Variants in RSRC1 observed in about 807,000 individuals in gnomAD.
RSRC1 encodes the protein serine/Arginine-related protein 53.
Under a neutral mutation model 49.1 loss-of-function variants are expected in RSRC1, and 39 were observed. The observed-to-expected ratio is 0.79, with a 90% CI of 0.61 to 1.04. The LOEUF (loss-of-function observed/expected upper bound fraction) is 1.04, where lower values mean the gene tolerates loss of function less well. RSRC1 is among the 50% of genes least tolerant of loss of function. RSRC1 has a pLI of 0.00. For synonymous variants in RSRC1, 143 were observed against 130.8 expected (o/e 1.09, Z -0.63); for missense variants, 388 against 402.4 (o/e 0.96, Z 0.31).
chr3:158,256,124 A>G (rs1394983995), intron 4 of RSRC1, among the ~76,000 whole-genome samples: 1 of 152,172 alleles, frequency 6.6e-6, no homozygotes, highest in Non-Finnish European at 1.5e-5. Flanking sequence ...GAGAGAGGGC[A>G]TCCTTGTCTT....
chr3:158,443,182 T>G (rs1736481373), intron 6 of RSRC1, among the ~76,000 whole-genome samples: 1 of 152,128 alleles, frequency 6.6e-6, no homozygotes, highest in African/African-American at 2.4e-5. Context: ...ACCAGCTGCG[T>G]TAGCCCCTGA....
chr3:158,114,354 A>G (rs772988249), intron 1 of RSRC1, among the ~76,000 whole-genome samples: 8 of 152,074 alleles, frequency 5.3e-5, no homozygotes, highest in Non-Finnish European at 1.2e-4. Flanking sequence ...CCATTGGTCT[A>G]TGTGTCTGTC....
intron 4 of RSRC1, among the ~76,000 whole-genome samples, chr3:158,275,080 C>G (rs1263118409): frequency 2.0e-5 from 3 of 152,186 alleles, no homozygotes; most frequent in African/African-American, 7.2e-5. Context: ...CTAATGGCCA[C>G]TGGCTCACCA....
At chr3:158,284,594 G>C (rs528598119) in intron 4 of RSRC1, among the ~76,000 whole-genome samples, 3,306 of 144,736 alleles carry the variant, frequency 0.023, 120 homozygotes, top group African/African-American at 0.082. Context: ...TCTAACTGGT[G>C]TGAGATGGTA....
intron 3 of RSRC1, among the ~76,000 whole-genome samples, chr3:158,197,310 T>C (rs528376052): frequency 7.0e-4 from 106 of 152,328 alleles, no homozygotes; most frequent in Admixed American, 2.4e-3. Context: ...TAGTATTCTC[T>C]GATGGTAGTT....
chr3:158,467,873 T>C (rs1417279229), intron 7 of RSRC1, among the ~76,000 whole-genome samples: 2 of 152,256 alleles, frequency 1.3e-5, no homozygotes, highest in African/African-American at 4.8e-5. Flanking sequence ...GTTCTTGTAG[T>C]AACAATTAAA....
chr3:158,259,525 C>T (rs1031509442), intron 4 of RSRC1, among the ~76,000 whole-genome samples: 21 of 152,136 alleles, frequency 1.4e-4, no homozygotes, highest in Admixed American at 9.8e-4. Context: ...TGATCAGACC[C>T]GTACTCAGCA....
chr3:158,353,071 CCTT>C (rs1243896191), intron 5 of RSRC1, among the ~76,000 whole-genome samples: 1 of 152,156 alleles, frequency 6.6e-6, no homozygotes, highest in Admixed American at 6.5e-5. Context: ...GTCATCTCCT[CCTT>C]CTCTAATAAC....
chr3:158,433,474 T>TCGTTG lies in RSRC1; in HGVS notation c.584-27460_584-27456dup, dbSNP rs559518731. Among the ~76,000 whole-genome samples the TCGTTG allele has an allele frequency of 7.9e-5, 12 of 152,078 alleles. No individual in the cohort carries two copies. The South Asian group carries it at 2.5e-3, about 31-fold the overall frequency. On this transcript the variant is annotated intron_variant, in intron 6 of 9. Transcript: ENST00000611884. ...GTCATGAAATGCAAAAGGATATATT[T>TCGTTG]CGTTGGTACACCAGGTTAAACTGGT...
chr3:158,219,303 C>G (rs886705967), intron 4 of RSRC1, among the ~76,000 whole-genome samples: 4 of 151,058 alleles, frequency 2.6e-5, no homozygotes, highest in African/African-American at 9.7e-5. Context: ...TGTTTTCTTT[C>G]TTTCATTCTC....
intron 7 of RSRC1, among the ~76,000 whole-genome samples, chr3:158,461,818 G>T (rs1487192540): frequency 6.6e-6 from 1 of 151,784 alleles, no homozygotes; most frequent in African/African-American, 2.4e-5. Flanking sequence ...ACTTTTGAGT[G>T]CTGTAGTCAA....
chr3:158,538,477 A>G (rs1454667809), intron 8 of RSRC1, among the ~76,000 whole-genome samples: 1 of 151,884 alleles, frequency 6.6e-6, no homozygotes, highest in Non-Finnish European at 1.5e-5. Flanking sequence ...TGGAATTACT[A>G]TGATTTATTT....
At chr3:158,173,260 A>G (rs2108240793) in intron 3 of RSRC1, among the ~76,000 whole-genome samples, 1 of 152,128 alleles carries the variant, frequency 6.6e-6, no homozygotes, top group South Asian at 2.1e-4. Flanking sequence ...GGGCTGGAGC[A>G]GGCAGACCAT....
intron 6 of RSRC1, among the ~76,000 whole-genome samples, chr3:158,362,558 G>A (rs926443776): frequency 1.3e-5 from 2 of 152,116 alleles, no homozygotes; most frequent in African/African-American, 4.8e-5. Context: ...ATACTAAGAT[G>A]TTACCTAGCT....
At chr3:158,439,524 T>A (rs1402367153) in intron 6 of RSRC1, among the ~76,000 whole-genome samples, 1 of 152,120 alleles carries the variant, frequency 6.6e-6, no homozygotes, top group Non-Finnish European at 1.5e-5. Flanking sequence ...GGGACATGGA[T>A]GAAGCTGGAA....
intron 5 of RSRC1, among the ~76,000 whole-genome samples, chr3:158,315,909 C>G (rs571518425): frequency 6.6e-6 from 1 of 152,096 alleles, no homozygotes; most frequent in South Asian, 2.1e-4. Context: ...TGGTGGCTCA[C>G]GCCTGCAATC....
intron 4 of RSRC1, among the ~76,000 whole-genome samples, chr3:158,273,282 T>C (rs1180574996): frequency 6.6e-6 from 1 of 152,074 alleles, no homozygotes; most frequent in Non-Finnish European, 1.5e-5. Context: ...ATGTTCAAGG[T>C]AGTAAACATA....
chr3:158,114,756 A>G (rs1183590262), intron 1 of RSRC1, among the ~76,000 whole-genome samples: 3 of 151,852 alleles, frequency 2.0e-5, no homozygotes, highest in African/African-American at 7.3e-5. Context: ...TATTCTTTTT[A>G]TAGCAGTTGT....
Position 158,333,895 on chromosome 3 carries a change from G to A in RSRC1, c.532-20962G>A, listed in dbSNP as rs151143370. On this transcript the variant is annotated intron_variant, in intron 5 of 9. Transcript: ENST00000611884. The stretch of plus-strand genomic sequence containing the variant: ...TAAAGAAGTTGAAAGAAAAGTAGAA[G>A]TTGAAAGAAAAGTAGCACAGAGAAT... Among the ~76,000 whole-genome samples the A allele has an allele frequency of 1.1e-3, 169 of 152,236 alleles. 2 individuals carry two copies. The highest frequency in any genetic ancestry group is 3.9e-3 in the African/African-American group (164 of 41,546).
Sources: allele counts gnomAD v4.1 joint callset (sites outside exome capture counted in the v4.1 genomes callset), GRCh38; gene constraint gnomAD v4.1.1; transcripts MANE v1.5; gene names NCBI Gene and HGNC (gene_info 2026-07-23, HGNC 2026-07-21).